The following SPINK5 variants were observed in gnomAD, a reference collection of about 807,000 sequenced individuals.
SPINK5 encodes serine protease inhibitor Kazal-type 5.
Under a neutral mutation model 151.8 loss-of-function variants are expected in SPINK5, and 125 were observed. The observed-to-expected ratio is 0.82, with a 90% CI of 0.71 to 0.96. SPINK5 has a LOEUF of 0.96. Among genes scored for constraint, SPINK5 ranks in the 40% least tolerant of loss-of-function variants. The pLI, the probability that SPINK5 is intolerant of heterozygous loss-of-function variation, is 0.00. For missense variants in SPINK5, 1,194 were observed against 1,291.9 expected, an observed-to-expected ratio of 0.92 and a Z score of 1.16; for synonymous variants, 374 against 395.3, an observed-to-expected ratio of 0.95 and a Z score of 0.64.
intron 8 of SPINK5, among the ~76,000 whole-genome samples, chr5:148,092,674 C>G (rs1489415139): frequency 1.3e-5 from 2 of 151,806 alleles, no homozygotes; most frequent in Non-Finnish European, 2.9e-5. Flanking sequence ...AACTTATAAA[C>G]TGAAATTATC....
In SPINK5 at chr5:148,131,387, C is replaced by CACA; in HGVS notation, c.3093_3094insACA (p.Asn1031_Leu1032insThr). 1 of 1,613,806 alleles carries CACA rather than the reference C, an allele frequency of 6.2e-7. No individual in the cohort carries two copies. Among genetic ancestry groups the CACA allele is most frequent in the Non-Finnish European group, 8.5e-7 (1 of 1,179,762 alleles). On this transcript the variant is annotated inframe_insertion and splice_region_variant, in exon 31 of 33. Coordinates refer to ENST00000256084, the MANE Select transcript of SPINK5 (RefSeq NM_006846.4). ...ATCCTTGCATGCTCTGTCATGAAAACCTGTAAGTATTCAAGTTGCCCCATC... is the reference window on the plus strand; with the variant it reads ...ATCCTTGCATGCTCTGTCATGAAAACACACTGTAAGTATTCAAGTTGCCCCATC...
chr5:148,108,885 C>T, intron 18 of SPINK5, 48 bp downstream of exon 18: 1 of 1,606,566 alleles, frequency 6.2e-7, no homozygotes, highest in Non-Finnish European at 8.5e-7. Context: ...AACGATCACT[C>T]TCCCTAGGGA....
rs73269156 is a variant in SPINK5 at position 148,070,360 on chromosome 5, G to C, written c.119G>C (p.Gly40Ala). 2.2e-3 allele frequency: 3,483 copies of C among 1,612,604 alleles called. 69 individuals carry two copies. In the African/African-American group the frequency reaches 0.042, roughly 19 times the overall value. Residue 40 changes from glycine (G) to alanine (A), a missense_variant, in exon 3 of 33, where the codon GGA becomes GCA. By Grantham distance (60) the Gly-to-Ala change is moderately conservative. Transcript: ENST00000256084. ...GAATTTCAGGCATTTATGAAAAATG[G>C]AAAACTGTTCTGTCCCCAGGATAAG... ...CHEFQAFMKN[G>A]KLFCPQDKKF...
chr5:148,064,132 C>A (rs1221855074), intron 1 of SPINK5, 33 bp downstream of exon 1: 3 of 1,613,170 alleles, frequency 1.9e-6, no homozygotes, highest in Non-Finnish European at 2.5e-6. Context: ...AAGCCTCTTG[C>A]CACACATCTC....
At chr5:148,123,429 T>TTATCTATCTATCTATATATATATATATAG (rs1354323692) in intron 26 of SPINK5, among the ~76,000 whole-genome samples, 1 of 29,356 alleles carries the variant, frequency 3.4e-5, no homozygotes, top group Admixed American at 4.9e-4. Flanking sequence ...TATATAGATA[T>TTATCTATCTATCTATATATATATATATAG]ATATTATCTA....
chr5:148,094,167 A>C (rs772798279), intron 8 of SPINK5, among the ~76,000 whole-genome samples, 187 bp from the exon 9 acceptor site: 1 of 151,784 alleles, frequency 6.6e-6, no homozygotes, highest in Non-Finnish European at 1.5e-5. Flanking sequence ...GTGGTGGTGC[A>C]TGTCTGTAGT....
At chr5:148,132,305 T>C (rs1301770770) in intron 31 of SPINK5, among the ~76,000 whole-genome samples, 1 of 152,138 alleles carries the variant, frequency 6.6e-6, no homozygotes. Context: ...GTAGTACTAC[T>C]TTATCCTTCT....
intron 25 of SPINK5, 26 bp from the exon 26 acceptor site, chr5:148,120,269 G>A: frequency 4.4e-6 from 7 of 1,605,046 alleles, no homozygotes; most frequent in Non-Finnish European, 6.0e-6. Flanking sequence ...CACTTTGATT[G>A]AAATGTTTCA....
At chr5:148,092,195 T>C (rs1753330485) in intron 8 of SPINK5, among the ~76,000 whole-genome samples, 1 of 152,108 alleles carries the variant, frequency 6.6e-6, no homozygotes, top group East Asian at 1.9e-4. Context: ...GGCTTATGTT[T>C]TCCTAAAGGA....
At position 148,089,766 on chromosome 5, in the gene SPINK5, G is replaced by C; in HGVS notation, c.602+145G>C. On this transcript the variant is annotated intron_variant, in intron 7 of 32. Transcript: ENST00000256084. ...GTGAAATAGCCTTTCTCACAGAAAG[G>C]CTTCTTTTCTTTTTCTTCTTATCAT... 9 of 1,226,224 alleles carry C rather than the reference G, an allele frequency of 7.3e-6. No individual in the cohort carries two copies. In the South Asian group the frequency reaches 1.2e-4, roughly 16 times the overall value. The allele number at this position is 1,226,224 out of a possible 1,614,324, so 76.0% of individuals were successfully genotyped here. A position where few individuals can be genotyped will look rare whatever the true frequency, so the allele number is the denominator to read the frequency against.
chr5:148,116,535 G>GTA (rs1754098054), intron 22 of SPINK5, 69 bp downstream of exon 22: 1 of 1,438,658 alleles, frequency 7.0e-7, no homozygotes, highest in African/African-American at 1.4e-5. Flanking sequence ...TGTGAATAGC[G>GTA]TATATAGTCT....
chr5:148,086,544 C>A lies in SPINK5; in HGVS notation c.410+12C>A. Reference sequence around the variant, plus strand: ...TGTGCTGAGAATGCGTGAGTATTCTCTGAAGTAGGCTTTCTCCCTAAAACG... The same window carrying A: ...TGTGCTGAGAATGCGTGAGTATTCTATGAAGTAGGCTTTCTCCCTAAAACG... On this transcript the variant is annotated intron_variant, in intron 5 of 32. Transcript: ENST00000256084. 6.2e-7 allele frequency: 1 copy of A among 1,609,940 alleles called. No individual in the cohort carries two copies. Among genetic ancestry groups the A allele is most frequent in the Non-Finnish European group, 8.5e-7 (1 of 1,178,020 alleles).
chr5:148,099,189 T>C (rs763394016), intron 11 of SPINK5, 45 bp from the exon 12 acceptor site: 1 of 1,536,050 alleles, frequency 6.5e-7, no homozygotes, highest in Admixed American at 1.8e-5. Flanking sequence ...AATCATGGCA[T>C]GTGTTTGTTC....
chr5:148,117,075 C>A (rs1182395857), intron 22 of SPINK5, among the ~76,000 whole-genome samples: 1 of 152,190 alleles, frequency 6.6e-6, no homozygotes, highest in East Asian at 1.9e-4. Flanking sequence ...TAAGGTCACT[C>A]CTTGGGTCTC....
At chr5:148,112,408 C>G (rs1391577525) in intron 19 of SPINK5, among the ~76,000 whole-genome samples, 1 of 152,150 alleles carries the variant, frequency 6.6e-6, no homozygotes, top group Admixed American at 6.6e-5. Flanking sequence ...GGTGTGGTGG[C>G]TCATGCCTGT....
chr5:148,095,615 A>G (rs1325150313), intron 9 of SPINK5, among the ~76,000 whole-genome samples: 2 of 152,028 alleles, frequency 1.3e-5, no homozygotes, highest in Admixed American at 6.6e-5. Flanking sequence ...CTTTTAAGAA[A>G]GGGAGATGAG....
At chr5:148,108,888 C>T in intron 18 of SPINK5, 51 bp downstream of exon 18, 1 of 1,605,326 alleles carries the variant, frequency 6.2e-7, no homozygotes, top group Non-Finnish European at 8.5e-7. Flanking sequence ...GATCACTCTC[C>T]CTAGGGAGGG....
chr5:148,118,398 T>A (rs201834224), intron 22 of SPINK5, 39 bp from the exon 23 acceptor site: 1 of 1,613,438 alleles, frequency 6.2e-7, no homozygotes, highest in African/African-American at 1.3e-5. Context: ...TACAGTAGAC[T>A]AAGTAATCCA....
chr5:148,115,051 G>C (rs2113172252), intron 21 of SPINK5, among the ~76,000 whole-genome samples: 1 of 152,258 alleles, frequency 6.6e-6, no homozygotes, highest in South Asian at 2.1e-4. Flanking sequence ...ACTGATATTA[G>C]TCACAGACGT....
Sources: gnomAD v4.1 joint callset for allele counts (sites outside exome capture counted in the v4.1 genomes callset) on GRCh38, gnomAD v4.1.1 for gene constraint, MANE v1.5 for transcripts, NCBI Gene and HGNC (gene_info 2026-07-23, HGNC 2026-07-21) for gene names.